ANKHD1: variants seen among roughly 807,000 people sequenced by gnomAD.
ANKHD1 encodes ankyrin repeat and KH domain containing 1.
In ANKHD1, 31 loss-of-function variants were observed where a neutral mutation model predicts 230.5. That is an observed-to-expected ratio of 0.13 (90% CI 0.10 to 0.18). The LOEUF (loss-of-function observed/expected upper bound fraction) is 0.18, where lower values mean the gene tolerates loss of function less well. Among genes scored for constraint, ANKHD1 ranks in the 10% least tolerant of loss-of-function variants. ANKHD1 has a pLI of 1.00. For synonymous variants in ANKHD1, 1,074 were observed against 1,117.6 expected (o/e 0.96, Z 0.78); for missense variants, 2,256 against 3,071.3 (o/e 0.73, Z 6.27).
At chr5:140,520,695 C>T (rs1753298146) in intron 24 of ANKHD1, among the ~76,000 whole-genome samples, 1 of 148,642 alleles carries the variant, frequency 6.7e-6, no homozygotes, top group African/African-American at 2.5e-5. Flanking sequence ...AACCAAACAC[C>T]GCATATTCTC....
Position 140,507,039 on chromosome 5 carries a change from A to T in ANKHD1, c.3551+62A>T. 1.3e-6 allele frequency: 2 copies of T among 1,587,392 alleles called. No individual in the cohort carries two copies. The highest frequency in any genetic ancestry group is 1.7e-6 in the Non-Finnish European group (2 of 1,170,216). On this transcript the variant is annotated intron_variant, in intron 19 of 33. Coordinates refer to ENST00000360839, the MANE Select transcript of ANKHD1 (RefSeq NM_017747.3). The surrounding 1 kb of genome is among the most constrained non-coding windows in gnomAD (Gnocchi z 4.1). ...GTTACTACTTTGGACTTAAATGTCTACCTCTTAACGTTTAGACAGATACAT... is the reference window on the plus strand; with the variant it reads ...GTTACTACTTTGGACTTAAATGTCTTCCTCTTAACGTTTAGACAGATACAT...
chr5:140,504,686 T>G, intron 15 of ANKHD1, 135 bp from the exon 16 acceptor site: 1 of 1,172,968 alleles, frequency 8.5e-7, no homozygotes, highest in South Asian at 1.8e-5. Flanking sequence ...AATGTAGGTC[T>G]GTCTGATTCC....
At chr5:140,418,560 C>T (rs1561688630) in intron 1 of ANKHD1, among the ~76,000 whole-genome samples, 1 of 152,176 alleles carries the variant, frequency 6.6e-6, no homozygotes, top group Admixed American at 6.5e-5. Context: ...TTCCCATTCT[C>T]ACCTTCCCCC....
At chr5:140,436,352 C>T in intron 2 of ANKHD1, 95 bp downstream of exon 2, 1 of 1,263,758 alleles carries the variant, frequency 7.9e-7, no homozygotes, top group Non-Finnish European at 1.0e-6. Flanking sequence ...TAACATTATA[C>T]AAAATTTAAA....
rs754629059 is a variant in ANKHD1 at position 140,440,177 on chromosome 5, G to A, written c.676G>A (p.Asp226Asn). The A allele has an allele frequency of 2.3e-5, 37 of 1,613,336 alleles. No homozygotes were observed. In the East Asian group the frequency reaches 8.3e-4, roughly 36 times the overall value. The change falls in exon 4 of 34, where the codon GAT becomes AAT. Residue 226 changes from aspartate to asparagine, a missense_variant. By Grantham distance (23) the Asp-to-Asn change is conservative. Transcript: ENST00000360839. ...GDVNAVRKLL[D>N]EGRSVNEHTE... The stretch of plus-strand genomic sequence containing the variant: ...TGTTAATGCTGTTCGTAAATTGCTA[G>A]ATGAAGGCAGAAGTGTAAATGAACA...
chr5:140,457,743 T>C (rs773947798), intron 7 of ANKHD1, among the ~76,000 whole-genome samples: 2 of 151,826 alleles, frequency 1.3e-5, no homozygotes, highest in East Asian at 1.9e-4. Context: ...TTAGGAGATA[T>C]ACCCAATGTA....
rs561259026 is a variant in ANKHD1 at position 140,508,120 on chromosome 5, G to A, written c.3765+122G>A. On this transcript the variant is annotated intron_variant, in intron 20 of 33. Transcript: ENST00000360839. Reference sequence around the variant, plus strand: ...AAATTAAAACTGATACCAATGCAGAGTTGAGGGATTATGCTGTATAATAGT... The same window carrying A: ...AAATTAAAACTGATACCAATGCAGAATTGAGGGATTATGCTGTATAATAGT... 1.1e-4 allele frequency: 145 copies of A among 1,304,112 alleles called. 2 individuals are homozygous for A. In the South Asian group the frequency reaches 2.2e-3, roughly 20 times the overall value. The allele number at this position is 1,304,112 out of a possible 1,614,324, so 80.8% of individuals were successfully genotyped here.
At chr5:140,515,369 T>C (rs944896996) in intron 24 of ANKHD1, among the ~76,000 whole-genome samples, 2 of 152,182 alleles carry the variant, frequency 1.3e-5, no homozygotes, top group Non-Finnish European at 2.9e-5. Context: ...TAGTAAAGCA[T>C]TGGAAATCAT....
intron 7 of ANKHD1, among the ~76,000 whole-genome samples, chr5:140,452,949 CAAA>C (rs1229301030): frequency 6.6e-6 from 1 of 152,102 alleles, no homozygotes; most frequent in Non-Finnish European, 1.5e-5. Flanking sequence ...GAACCCAACA[CAAA>C]GAAGCTAAAA....
intron 10 of ANKHD1, among the ~76,000 whole-genome samples, chr5:140,481,769 A>G (rs923416041): frequency 3.3e-5 from 5 of 152,102 alleles, no homozygotes; most frequent in South Asian, 2.1e-4. Context: ...AAAGAGAACC[A>G]GAACAACAGA....
intron 1 of ANKHD1, 131 bp downstream of exon 1, chr5:140,402,404 C>T (rs1310956298): frequency 8.0e-7 from 1 of 1,255,498 alleles, no homozygotes; most frequent in Non-Finnish European, 1.0e-6. Context: ...TCCATGGCGG[C>T]GGTGGCCGCG....
intron 1 of ANKHD1, among the ~76,000 whole-genome samples, chr5:140,409,549 A>AT (rs5871734): frequency 5.8e-4 from 73 of 125,122 alleles, no homozygotes; most frequent in Admixed American, 2.9e-3. Flanking sequence ...TACTGTAACA[A>AT]TTTTTTTTTT....
At chr5:140,505,076 T>A (rs1752484972) in intron 16 of ANKHD1, 46 bp from the exon 17 acceptor site, 1 of 1,602,278 alleles carries the variant, frequency 6.2e-7, no homozygotes, top group Admixed American at 1.8e-5. Flanking sequence ...CTTAAATTGA[T>A]AACTTCTGTT....
In ANKHD1 at chr5:140,414,338, C is replaced by A. The variant is rs368294032; in HGVS notation, c.306+12065C>A. 4.3e-4 allele frequency among the ~76,000 whole-genome samples: 65 copies of A among 152,250 alleles called. 1 individual carries two copies. Among genetic ancestry groups the A allele is most frequent in the African/African-American group, 1.5e-3 (63 of 41,548 alleles). On this transcript the variant is annotated intron_variant, in intron 1 of 33. Coordinates refer to ENST00000360839, the MANE Select transcript of ANKHD1 (RefSeq NM_017747.3). ...AAAGCACAAGGAAGGGTTCTAATTT[C>A]TCCATATTCTAGCCAACAGTTATTT...
chr5:140,523,368 A>C (rs1254677667), intron 24 of ANKHD1, among the ~76,000 whole-genome samples: 1 of 151,988 alleles, frequency 6.6e-6, no homozygotes, highest in Non-Finnish European at 1.5e-5. Context: ...TCAGTCTCCC[A>C]AAGTGCTTGT....
chr5:140,473,034 T>C (rs1750751122), intron 10 of ANKHD1, among the ~76,000 whole-genome samples: 1 of 151,208 alleles, frequency 6.6e-6, no homozygotes, highest in South Asian at 2.1e-4. Flanking sequence ...TTCTTTTTTT[T>C]TTTTTTTTTG....
intron 24 of ANKHD1, among the ~76,000 whole-genome samples, chr5:140,522,809 A>AT (rs1753412818): frequency 6.6e-6 from 1 of 152,098 alleles, no homozygotes; most frequent in African/African-American, 2.4e-5. Flanking sequence ...GAAGGTTTCA[A>AT]TTTCTCCACA....
chr5:140,458,869 C>T lies in ANKHD1; in HGVS notation c.1480+7C>T, dbSNP rs371416734. On this transcript the variant is annotated splice_region_variant and intron_variant, in intron 8 of 33. Coordinates refer to ENST00000360839, the MANE Select transcript of ANKHD1 (RefSeq NM_017747.3). Reference sequence around the variant, plus strand: ...GCACTACTCTTAGCACAAGGTAAAGCAGTTTTACTTCTTTTAGAAAAATCA... The same window carrying T: ...GCACTACTCTTAGCACAAGGTAAAGTAGTTTTACTTCTTTTAGAAAAATCA... 6.3e-7 allele frequency: 1 copy of T among 1,593,072 alleles called. No homozygotes were observed. The highest frequency in any genetic ancestry group is 8.6e-7 in the Non-Finnish European group (1 of 1,168,392).
intron 1 of ANKHD1, among the ~76,000 whole-genome samples, chr5:140,408,756 G>A (rs1345802876): frequency 3.3e-5 from 5 of 151,956 alleles, no homozygotes; most frequent in Non-Finnish European, 7.4e-5. Flanking sequence ...GCTGGCTGTT[G>A]CCCTGGCTAC....
Sources: gnomAD v4.1 joint callset for allele counts (sites outside exome capture counted in the v4.1 genomes callset) on GRCh38, gnomAD v4.1.1 for gene constraint, Gnocchi (gnomAD v3.1) non-coding constraint, MANE v1.5 for transcripts, NCBI Gene and HGNC (gene_info 2026-07-23, HGNC 2026-07-21) for gene names.